Variants in XPO7 observed in about 807,000 individuals in gnomAD.
The protein encoded by XPO7 is exportin-7.
In XPO7, 21 loss-of-function variants were observed where a neutral mutation model predicts 144.3. The ratio of observed to expected loss-of-function variants is 0.15; its 90% CI spans 0.10 to 0.21. XPO7 has a LOEUF of 0.21. Among genes scored for constraint, XPO7 ranks in the 10% least tolerant of loss-of-function variants. The pLI is 1.00. For synonymous variants in XPO7, 580 were observed against 499.6 expected, an observed-to-expected ratio of 1.16 and a Z score of -2.15; for missense variants, 808 against 1,325.8, an observed-to-expected ratio of 0.61 and a Z score of 6.06.
intron 8 of XPO7, 142 bp from the exon 9 acceptor site, chr8:21,979,942 C>G (rs1193604412): frequency 9.4e-7 from 1 of 1,066,618 alleles, no homozygotes; most frequent in East Asian, 2.9e-5. Context: ...CTGCTTGGAT[C>G]TATGTTCTTT....
At chr8:21,924,265 T>C (rs1810385832) in intron 1 of XPO7, among the ~76,000 whole-genome samples, 1 of 152,164 alleles carries the variant, frequency 6.6e-6, no homozygotes, top group Admixed American at 6.5e-5. Context: ...ATCTTTGTTA[T>C]TTTTTTCAAA....
rs189067144 is a variant in XPO7, at chr8:21,984,882, T to C, written c.1471+43T>C. On this transcript the variant is annotated intron_variant, in intron 12 of 27. Coordinates refer to ENST00000252512, the MANE Select transcript of XPO7 (RefSeq NM_015024.5). ...TGGGAACTCTAGACCTGTGAGGAGA[T>C]GTTGTCTAGTACCCCTTCGCTCATT... 1.4e-4 allele frequency: 226 copies of C among 1,600,942 alleles called. 1 individual carries two copies. In the East Asian group the frequency reaches 4.9e-3, roughly 35 times the overall value.
intron 1 of XPO7, among the ~76,000 whole-genome samples, chr8:21,932,509 T>C (rs1347136690): frequency 6.6e-6 from 1 of 152,234 alleles, no homozygotes; most frequent in Non-Finnish European, 1.5e-5. Flanking sequence ...CTTTCTTCCC[T>C]TTAATGTTCT....
intron 1 of XPO7, among the ~76,000 whole-genome samples, chr8:21,927,538 C>CTT (rs576510771): frequency 5.0e-4 from 60 of 120,548 alleles, no homozygotes; most frequent in African/African-American, 1.3e-3. Context: ...AAAAACCAAC[C>CTT]TTTTTTTTTT....
intron 24 of XPO7, 96 bp from the exon 25 acceptor site, chr8:22,002,016 G>T (rs1253141505): frequency 7.0e-7 from 1 of 1,436,024 alleles, no homozygotes; most frequent in Non-Finnish European, 9.3e-7. Context: ...GGTTGAATTG[G>T]CCACGGTACC....
At chr8:21,946,559 G>C (rs1227198301) in intron 1 of XPO7, among the ~76,000 whole-genome samples, 1 of 131,962 alleles carries the variant, frequency 7.6e-6, no homozygotes, top group Non-Finnish European at 1.6e-5. Context: ...CTAGAGGAGA[G>C]GCTTTTCTAG....
At chr8:21,980,357 T>C (rs192533537) in intron 9 of XPO7, among the ~76,000 whole-genome samples, 154 bp downstream of exon 9, 1 of 152,176 alleles carries the variant, frequency 6.6e-6, no homozygotes, top group East Asian at 1.9e-4. Flanking sequence ...AATTCTGAGA[T>C]TATTTGCCCA....
At chr8:21,931,958 C>T (rs1338635647) in intron 1 of XPO7, among the ~76,000 whole-genome samples, 3 of 152,128 alleles carry the variant, frequency 2.0e-5, no homozygotes, top group East Asian at 1.9e-4. Flanking sequence ...TTGCAACCTC[C>T]GCCTCCTGGG....
chr8:21,968,735 A>T (rs1279897143), intron 2 of XPO7, among the ~76,000 whole-genome samples: 1 of 152,212 alleles, frequency 6.6e-6, no homozygotes, highest in Non-Finnish European at 1.5e-5. Context: ...AAATACTTTA[A>T]TGCTTCTGAG....
At position 22,005,287 on chromosome 8, in the gene XPO7, CCTGGGGGA is replaced by C. The variant is rs1451963666; in HGVS notation, c.*205_*212del. The C allele has an allele frequency of 1.3e-5, 5 of 385,754 alleles. No homozygotes were observed. The highest frequency in any genetic ancestry group is 1.8e-5 in the Non-Finnish European group (4 of 216,458). 23.9% of individuals were successfully genotyped at this position (385,754 alleles called of 1,614,324 possible). ...ACTAGGGGGCAGGGCGCTGCTGGTT[CCTGGGGGA>C]CTGGGTGGGAAGGGTGGTGGGAGGA... On this transcript the variant is annotated 3_prime_UTR_variant, in exon 28 of 28. Transcript: ENST00000252512.
chr8:21,921,000 A>G (rs1458321806), intron 1 of XPO7, among the ~76,000 whole-genome samples: 1 of 152,188 alleles, frequency 6.6e-6, no homozygotes, highest in Non-Finnish European at 1.5e-5. Flanking sequence ...AGTAAAGTAG[A>G]TCTTCGGAGT....
At chr8:21,954,067 G>C (rs1811457948) in intron 1 of XPO7, among the ~76,000 whole-genome samples, 1 of 152,022 alleles carries the variant, frequency 6.6e-6, no homozygotes, top group East Asian at 1.9e-4. Context: ...TAATTCTCTG[G>C]GCCAGTTTAT....
intron 2 of XPO7, among the ~76,000 whole-genome samples, chr8:21,968,393 G>A (rs546900831): frequency 5.9e-5 from 9 of 152,262 alleles, no homozygotes; most frequent in Non-Finnish European, 1.3e-4. Context: ...AGTAGCTGAG[G>A]GGTATAACTT....
chr8:22,003,852 A>C, intron 26 of XPO7, 51 bp from the exon 27 acceptor site: 8 of 1,610,682 alleles, frequency 5.0e-6, no homozygotes, highest in Non-Finnish European at 6.8e-6. Context: ...CGGAGGGCTA[A>C]TCTGCCTTCC....
intron 1 of XPO7, among the ~76,000 whole-genome samples, chr8:21,951,421 TATA>T (rs1585434455): frequency 6.6e-6 from 1 of 152,290 alleles, no homozygotes; most frequent in East Asian, 1.9e-4. Flanking sequence ...TATAATTTAT[TATA>T]ATATGTTTAA....
chr8:21,959,488 A>G (rs1006583014), intron 1 of XPO7, among the ~76,000 whole-genome samples: 22 of 152,314 alleles, frequency 1.4e-4, no homozygotes, highest in East Asian at 3.9e-4. Context: ...TCTGCCACCT[A>G]AAATCTTACC....
intron 1 of XPO7, among the ~76,000 whole-genome samples, chr8:21,943,102 TACAG>T (rs1811048365): frequency 1.3e-5 from 2 of 152,200 alleles, no homozygotes; most frequent in African/African-American, 4.8e-5. Context: ...GCTTAGCTCT[TACAG>T]ACCTCCTAAG....
intron 1 of XPO7, among the ~76,000 whole-genome samples, chr8:21,937,359 C>A: frequency 6.6e-6 from 1 of 152,148 alleles, no homozygotes; most frequent in Non-Finnish European, 1.5e-5. Flanking sequence ...CTTTTAATGT[C>A]TTACGGTAAT....
intron 1 of XPO7, among the ~76,000 whole-genome samples, chr8:21,940,210 A>C (rs1416899983): frequency 6.6e-6 from 1 of 152,238 alleles, no homozygotes; most frequent in African/African-American, 2.4e-5. Context: ...ATGGTAGAAT[A>C]CCAATACCAA....
Sources: gnomAD v4.1 joint callset for allele counts (sites outside exome capture counted in the v4.1 genomes callset) on GRCh38, gnomAD v4.1.1 for gene constraint, MANE v1.5 for transcripts, NCBI Gene and HGNC (gene_info 2026-07-23, HGNC 2026-07-21) for gene names.